The following KITLG variants were observed in gnomAD, a reference collection of about 807,000 sequenced individuals.
The protein encoded by KITLG is c-Kit ligand.
KITLG carries 13 observed loss-of-function variants against 34.1 expected under a neutral mutation model. The ratio of observed to expected loss-of-function variants is 0.38; its 90% CI spans 0.25 to 0.61. KITLG has a LOEUF of 0.61. Ranked by LOEUF, KITLG falls within the 20% of genes least tolerant of loss-of-function variation. The pLI is 0.60. For synonymous variants in KITLG, 110 were observed against 104.0 expected (o/e 1.06, Z -0.35); for missense variants, 292 against 318.9 (o/e 0.92, Z 0.64).
chr12:88,523,985 C>A (rs1403522934), intron 3 of KITLG, among the ~76,000 whole-genome samples: 1 of 152,172 alleles, frequency 6.6e-6, no homozygotes, highest in Non-Finnish European at 1.5e-5. Context: ...CCTAGGCCCG[C>A]CCTAAAATAG....
In KITLG at chr12:88,580,466, C is replaced by G. The variant is rs1242248699; in HGVS notation, c.-188G>C. 2.8e-6 allele frequency: 2 copies of G among 703,928 alleles called. No individual in the cohort carries two copies. The highest frequency in any genetic ancestry group is 2.8e-5 in the East Asian group (1 of 36,252). The allele number at this position is 703,928 out of a possible 1,614,324, so 43.6% of individuals were successfully genotyped here. On this transcript the variant is annotated 5_prime_UTR_variant, in exon 1 of 10. Transcript: ENST00000644744. ...TCTAGTCTCGGCGCGAGGCGGCGAG[C>G]GAAGCCCGGCTGCTGAGCCGCCGGC... is the stretch of plus-strand genomic sequence containing the variant.
At chr12:88,515,487 G>T in intron 6 of KITLG, 47 bp downstream of exon 6, 2 of 1,150,674 alleles carry the variant, frequency 1.7e-6, no homozygotes, top group Non-Finnish European at 1.3e-6. Context: ...ACTCCTATAG[G>T]TGCTAATTGG....
intron 2 of KITLG, among the ~76,000 whole-genome samples, chr12:88,541,435 GTTAAATTGCC>G (rs1374866585): frequency 6.6e-6 from 1 of 152,112 alleles, no homozygotes; most frequent in Non-Finnish European, 1.5e-5. Flanking sequence ...ATCATATTGA[GTTAAATTGCC>G]TCAAATGAAG....
intron 1 of KITLG, among the ~76,000 whole-genome samples, chr12:88,554,141 A>G (rs944518881): frequency 1.3e-5 from 2 of 152,232 alleles, no homozygotes; most frequent in East Asian, 1.9e-4. Context: ...GTTGCAACAC[A>G]TAAGTCACAC....
At chr12:88,531,273 C>T (rs1177810907) in intron 3 of KITLG, among the ~76,000 whole-genome samples, 1 of 152,094 alleles carries the variant, frequency 6.6e-6, no homozygotes, top group Non-Finnish European at 1.5e-5. Flanking sequence ...CATTACAAGC[C>T]CTGAAAGCAC....
At chr12:88,532,366 G>T in intron 3 of KITLG, 75 bp downstream of exon 3, 3 of 1,050,606 alleles carry the variant, frequency 2.9e-6, no homozygotes, top group Non-Finnish European at 4.4e-6. Flanking sequence ...AGCAGCTAGT[G>T]TACTATCTCA....
At chr12:88,498,757 C>A (rs960632817) in intron 9 of KITLG, among the ~76,000 whole-genome samples, 4 of 152,068 alleles carry the variant, frequency 2.6e-5, no homozygotes, top group Admixed American at 2.6e-4. Context: ...CATCTGTAGT[C>A]CCAGCTACTC....
At chr12:88,539,738 A>C (rs1273835528) in intron 2 of KITLG, among the ~76,000 whole-genome samples, 1 of 152,102 alleles carries the variant, frequency 6.6e-6, no homozygotes, top group Admixed American at 6.6e-5. Flanking sequence ...ACTTGGCAAC[A>C]AAGTGAGAGT....
In KITLG at chr12:88,494,344, TTATTTA is replaced by T. The variant is rs1868528983; in HGVS notation, c.*2869_*2874del. The T allele has an allele frequency of 1.3e-5, 2 of 152,150 alleles. No homozygotes were observed. The highest frequency in any genetic ancestry group is 1.3e-4 in the Admixed American group (2 of 15,228). 9.4% of individuals were successfully genotyped at this position (152,150 alleles called of 1,614,324 possible). A position where few individuals can be genotyped will look rare whatever the true frequency, so the allele number is the denominator to read the frequency against. ...ATGATTTCTGAATGAGTTTTTCTCT[TTATTTA>T]TAACTTTAGTTGAATTAGAGTAGGA... On this transcript the variant is annotated 3_prime_UTR_variant, in exon 10 of 10. Transcript: ENST00000644744.
intron 1 of KITLG, among the ~76,000 whole-genome samples, chr12:88,576,007 C>T (rs960913139): frequency 1.3e-5 from 2 of 151,920 alleles, no homozygotes; most frequent in African/African-American, 2.4e-5. Flanking sequence ...AAAGCAAGTG[C>T]GAGAACATTA....
chr12:88,513,030 A>C (rs951359632), intron 6 of KITLG, among the ~76,000 whole-genome samples: 2 of 151,872 alleles, frequency 1.3e-5, no homozygotes, highest in Admixed American at 1.3e-4. Context: ...ACTTTAAAAT[A>C]CGTATGACAG....
chr12:88,527,089 C>T (rs1027215508), intron 3 of KITLG, among the ~76,000 whole-genome samples: 4 of 151,916 alleles, frequency 2.6e-5, no homozygotes, highest in African/African-American at 7.3e-5. Context: ...AGGATGGTCT[C>T]GATCTCCTGA....
intron 3 of KITLG, among the ~76,000 whole-genome samples, chr12:88,523,327 T>A (rs1037755905): frequency 4.6e-5 from 7 of 152,178 alleles, no homozygotes; most frequent in African/African-American, 1.7e-4. Context: ...CCAGGTTACA[T>A]AACAAATTTA....
intron 1 of KITLG, among the ~76,000 whole-genome samples, chr12:88,546,392 G>T (rs1452052918): frequency 1.3e-5 from 2 of 152,100 alleles, no homozygotes; most frequent in East Asian, 3.9e-4. Flanking sequence ...GACATCAAAA[G>T]AATATTTTGA....
At chr12:88,560,745 G>A (rs1023604137) in intron 1 of KITLG, among the ~76,000 whole-genome samples, 13 of 151,982 alleles carry the variant, frequency 8.6e-5, no homozygotes, top group Admixed American at 3.9e-4. Flanking sequence ...TGAGGCGGGC[G>A]GATCACAAGG....
intron 1 of KITLG, among the ~76,000 whole-genome samples, chr12:88,557,450 G>A (rs958953042): frequency 3.3e-5 from 5 of 151,968 alleles, no homozygotes; most frequent in Non-Finnish European, 7.4e-5. Flanking sequence ...ACAAAGCAGA[G>A]GGGAAAAAAA....
rs1868540998 is a variant in KITLG at position 88,494,607 on chromosome 12, C to T, written c.*2612G>A. The T allele has an allele frequency of 6.6e-6, 1 of 152,294 alleles. No homozygotes were observed. Among genetic ancestry groups the T allele is most frequent in the Non-Finnish European group, 1.5e-5 (1 of 67,888 alleles). The allele number at this position is 152,294 out of a possible 1,614,324, so 9.4% of individuals were successfully genotyped here. A position where few individuals can be genotyped will look rare whatever the true frequency, so the allele number is the denominator to read the frequency against. ...GCACATTAAATTACAATACAATATCCAGGAACACTTCATTATCACTCAGGA... is the reference window on the plus strand; with the variant it reads ...GCACATTAAATTACAATACAATATCTAGGAACACTTCATTATCACTCAGGA... On this transcript the variant is annotated 3_prime_UTR_variant, in exon 10 of 10. Coordinates refer to ENST00000644744, the MANE Select transcript of KITLG (RefSeq NM_000899.5).
chr12:88,512,107 A>G (rs1329503955), intron 6 of KITLG, among the ~76,000 whole-genome samples: 1 of 152,188 alleles, frequency 6.6e-6, no homozygotes, highest in Non-Finnish European at 1.5e-5. Flanking sequence ...AAATTTGGAG[A>G]CAAGAACTTT....
At chr12:88,526,531 A>G (rs1869873459) in intron 3 of KITLG, among the ~76,000 whole-genome samples, 1 of 152,160 alleles carries the variant, frequency 6.6e-6, no homozygotes, top group African/African-American at 2.4e-5. Context: ...TCCATGAGGC[A>G]CTGAGAATCT....
Sources: allele counts gnomAD v4.1 joint callset (sites outside exome capture counted in the v4.1 genomes callset), GRCh38; gene constraint gnomAD v4.1.1; transcripts MANE v1.5; gene names NCBI Gene and HGNC (gene_info 2026-07-23, HGNC 2026-07-21).